Variants in GRID2 observed in about 807,000 individuals in gnomAD.
The protein encoded by GRID2 is glutamate ionotropic receptor delta type subunit 2.
Under a neutral mutation model 114.8 loss-of-function variants are expected in GRID2, and 33 were observed. The ratio of observed to expected loss-of-function variants is 0.29; its 90% CI spans 0.22 to 0.38. The LOEUF is 0.38. GRID2 is among the 10% of genes least tolerant of loss of function. The pLI, the probability that GRID2 is intolerant of heterozygous loss-of-function variation, is 1.00. For synonymous variants in GRID2, 505 were observed against 449.9 expected, an observed-to-expected ratio of 1.12 and a Z score of -1.55; for missense variants, 1,184 against 1,257.7, an observed-to-expected ratio of 0.94 and a Z score of 0.89.
At chr4:93,517,743 A>G (rs867657169) in intron 13 of GRID2, among the ~76,000 whole-genome samples, 2 of 151,954 alleles carry the variant, frequency 1.3e-5, no homozygotes, top group South Asian at 2.1e-4. Flanking sequence ...TATTCAAGAA[A>G]CTAGTCTTGA....
At chr4:92,839,053 T>C (rs1380816453) in intron 2 of GRID2, among the ~76,000 whole-genome samples, 1 of 152,080 alleles carries the variant, frequency 6.6e-6, no homozygotes, top group Admixed American at 6.6e-5. Flanking sequence ...GCTTATGAAT[T>C]GGTGTGTCTG....
chr4:93,357,996 T>C (rs1428669316), intron 8 of GRID2, among the ~76,000 whole-genome samples: 1 of 151,544 alleles, frequency 6.6e-6, no homozygotes, highest in Non-Finnish European at 1.5e-5. Flanking sequence ...TTTTTCAAAA[T>C]ATTATTATTC....
intron 13 of GRID2, among the ~76,000 whole-genome samples, chr4:93,525,272 CAG>C (rs1286247127): frequency 1.3e-5 from 2 of 151,884 alleles, no homozygotes; most frequent in Non-Finnish European, 2.9e-5. Context: ...AATTAGGTAA[CAG>C]AAATAACAAA....
chr4:93,404,769 A>T lies in GRID2; in HGVS notation c.1347+9061A>T. Among the ~76,000 whole-genome samples, 2 of 152,134 alleles carry T rather than the reference A, an allele frequency of 1.3e-5. 1 individual carries two copies. The highest frequency in any genetic ancestry group is 2.9e-5 in the Non-Finnish European group (2 of 68,016). Reference sequence around the variant, plus strand: ...AATTCATCTTGAAAGATGAGCAGGGATTATCAAGGAATAGATAAGAGGGAA... The same window carrying T: ...AATTCATCTTGAAAGATGAGCAGGGTTTATCAAGGAATAGATAAGAGGGAA... On this transcript the variant is annotated intron_variant, in intron 9 of 15. Coordinates refer to ENST00000282020, the MANE Select transcript of GRID2 (RefSeq NM_001510.4).
intron 14 of GRID2, among the ~76,000 whole-genome samples, chr4:93,650,206 C>T (rs1200957975): frequency 2.6e-5 from 4 of 152,056 alleles, no homozygotes; most frequent in Non-Finnish European, 5.9e-5. Flanking sequence ...AGACAGAAAG[C>T]AGCCCTAAGG....
At chr4:93,371,351 C>T (rs559486420) in intron 8 of GRID2, among the ~76,000 whole-genome samples, 33 of 152,106 alleles carry the variant, frequency 2.2e-4, no homozygotes, top group African/African-American at 8.0e-4. Flanking sequence ...TTACTGTGTT[C>T]TGTTATTCCT....
At chr4:93,767,556 C>T (rs552866119) in intron 14 of GRID2, among the ~76,000 whole-genome samples, 1 of 152,102 alleles carries the variant, frequency 6.6e-6, no homozygotes, top group Admixed American at 6.5e-5. Flanking sequence ...ACTGCCAGCA[C>T]GGGGCACCAG....
chr4:92,579,221 A>G (rs1314933106), intron 1 of GRID2, among the ~76,000 whole-genome samples: 1 of 152,076 alleles, frequency 6.6e-6, no homozygotes, highest in African/African-American at 2.4e-5. Flanking sequence ...TCCATAAGTA[A>G]ACATTCTTGC....
intron 2 of GRID2, among the ~76,000 whole-genome samples, chr4:92,711,878 G>C (rs1297903413): frequency 1.3e-5 from 2 of 152,184 alleles, no homozygotes; most frequent in African/African-American, 2.4e-5. Context: ...ATTCCAGTTT[G>C]GGTAACAGAG....
intron 14 of GRID2, among the ~76,000 whole-genome samples, chr4:93,675,174 T>C (rs1724745371): frequency 6.6e-6 from 1 of 152,176 alleles, no homozygotes; most frequent in African/African-American, 2.4e-5. Context: ...TGTGTCTGTG[T>C]GTGCATTTCT....
intron 1 of GRID2, among the ~76,000 whole-genome samples, chr4:92,542,165 A>G (rs7667109): frequency 0.21 from 32,213 of 152,052 alleles, 4,090 homozygotes; most frequent in African/African-American, 0.36. Context: ...TGGAGTGACC[A>G]AAAGTATAGC....
chr4:93,604,316 GAACTGTAATTAGACAT>G (rs1250350224), intron 13 of GRID2, among the ~76,000 whole-genome samples: 6 of 152,162 alleles, frequency 3.9e-5, no homozygotes, highest in Non-Finnish European at 5.9e-5. Flanking sequence ...AACGGTAAGA[GAACTGTAATTAGACAT>G]AACTGTAATT....
At chr4:92,889,935 A>C (rs572690422) in intron 2 of GRID2, among the ~76,000 whole-genome samples, 2 of 152,324 alleles carry the variant, frequency 1.3e-5, no homozygotes, top group South Asian at 4.1e-4. Flanking sequence ...CCAATGGAAC[A>C]GAACAGAGGC....
chr4:92,834,379 T>C (rs1742314714), intron 2 of GRID2, among the ~76,000 whole-genome samples: 1 of 152,184 alleles, frequency 6.6e-6, no homozygotes, highest in South Asian at 2.1e-4. Flanking sequence ...TGCTTTTTAT[T>C]CATTTAAGCC....
chr4:92,596,197 TAGG>T (rs1236356787), intron 2 of GRID2, among the ~76,000 whole-genome samples: 1 of 152,080 alleles, frequency 6.6e-6, no homozygotes, highest in East Asian at 1.9e-4. Context: ...GAAACAAAAC[TAGG>T]AGATCATGTG....
intron 13 of GRID2, among the ~76,000 whole-genome samples, chr4:93,604,919 A>C (rs1740058706): frequency 6.6e-6 from 1 of 152,200 alleles, no homozygotes; most frequent in South Asian, 2.1e-4. Flanking sequence ...TAACCTTTAT[A>C]TGTACTGGGA....
chr4:92,679,014 A>G (rs962597538), intron 2 of GRID2, among the ~76,000 whole-genome samples: 3 of 151,484 alleles, frequency 2.0e-5, no homozygotes, highest in African/African-American at 7.3e-5. Flanking sequence ...TATAGTAGAG[A>G]ACATGTGTCC....
intron 1 of GRID2, among the ~76,000 whole-genome samples, chr4:92,481,720 AT>A (rs1399749309): frequency 2.0e-5 from 3 of 151,592 alleles, no homozygotes; most frequent in Non-Finnish European, 4.4e-5. Flanking sequence ...ATTTCATGTT[AT>A]TTTTCCAATT....
chr4:93,627,611 G>A (rs549843311), intron 14 of GRID2, among the ~76,000 whole-genome samples: 7 of 152,338 alleles, frequency 4.6e-5, no homozygotes, highest in Admixed American at 1.3e-4. Flanking sequence ...GCTTCAAGCT[G>A]TGGGTCAACT....
Sources: gnomAD v4.1 joint callset for allele counts (sites outside exome capture counted in the v4.1 genomes callset) on GRCh38, gnomAD v4.1.1 for gene constraint, MANE v1.5 for transcripts, NCBI Gene and HGNC (gene_info 2026-07-23, HGNC 2026-07-21) for gene names.